TASP1: variants seen among roughly 807,000 people sequenced by gnomAD.
TASP1 encodes the protein taspase 1.
In TASP1, 16 loss-of-function variants were observed where a neutral mutation model predicts 56.6. The observed-to-expected ratio is 0.28, with a 90% CI of 0.19 to 0.43. The LOEUF (loss-of-function observed/expected upper bound fraction) is 0.43, where lower values mean the gene tolerates loss of function less well. Ranked by LOEUF, TASP1 falls within the 20% of genes least tolerant of loss-of-function variation. TASP1 has a pLI of 1.00. For synonymous variants in TASP1, 179 were observed against 184.2 expected, an observed-to-expected ratio of 0.97 and a Z score of 0.23; for missense variants, 393 against 511.6, an observed-to-expected ratio of 0.77 and a Z score of 2.24.
At chr20:13,134,059 A>G in the TASP1 span, among the ~76,000 whole-genome samples, 3 of 152,216 alleles carry the variant, frequency 2.0e-5, no homozygotes, top group African/African-American at 7.2e-5. Context: ...TCTGCCATAC[A>G]GGGTCATTCT....
At chr20:13,145,465 AC>A in the TASP1 span, among the ~76,000 whole-genome samples, 1 of 152,190 alleles carries the variant, frequency 6.6e-6, no homozygotes, top group African/African-American at 2.4e-5. Flanking sequence ...AAATTACAAA[AC>A]ACTGTTCAAA....
intron 6 of TASP1, among the ~76,000 whole-genome samples, chr20:13,571,687 T>C (rs1025106192): frequency 1.3e-5 from 2 of 152,188 alleles, no homozygotes; most frequent in Non-Finnish European, 2.9e-5. Flanking sequence ...GTAATGGCAC[T>C]CCTCTTTCAA....
chr20:13,330,627 G>A, the TASP1 span, among the ~76,000 whole-genome samples: 1 of 152,126 alleles, frequency 6.6e-6, no homozygotes, highest in Non-Finnish European at 1.5e-5. Flanking sequence ...ATATGTCAGT[G>A]AAACTACCTG....
chr20:13,123,487 G>A, the TASP1 span, among the ~76,000 whole-genome samples: 1 of 152,114 alleles, frequency 6.6e-6, no homozygotes. Flanking sequence ...GCCAACTAAG[G>A]CACAGAGAGA....
intron 13 of TASP1, among the ~76,000 whole-genome samples, chr20:13,407,838 A>G (rs1033148318): frequency 6.6e-6 from 1 of 152,148 alleles, no homozygotes; most frequent in Non-Finnish European, 1.5e-5. Context: ...ACTGATGTTG[A>G]GCATCTTTTC....
chr20:13,246,489 G>A, the TASP1 span, among the ~76,000 whole-genome samples: 2 of 152,270 alleles, frequency 1.3e-5, no homozygotes, highest in African/African-American at 2.4e-5. Flanking sequence ...TTATACCCAT[G>A]GCATGCAGTG....
chr20:13,434,945 TC>T, intron 12 of TASP1, 98 bp downstream of exon 12: 1 of 760,660 alleles, frequency 1.3e-6, no homozygotes, highest in Admixed American at 2.8e-5. Flanking sequence ...ATGCTGACCC[TC>T]CCGCAGTTTA....
intron 8 of TASP1, among the ~76,000 whole-genome samples, chr20:13,557,812 C>A (rs1017179889): frequency 2.6e-5 from 4 of 151,764 alleles, no homozygotes; most frequent in African/African-American, 9.7e-5. Flanking sequence ...CTCTAGTAAT[C>A]CACCCACCTC....
chr20:13,445,305 A>C (rs1375628501), intron 11 of TASP1, among the ~76,000 whole-genome samples: 1 of 152,082 alleles, frequency 6.6e-6, no homozygotes, highest in Non-Finnish European at 1.5e-5. Context: ...AAATGAGACA[A>C]GAGATTTCTT....
At chr20:13,192,338 A>G in the TASP1 span, among the ~76,000 whole-genome samples, 31 of 152,294 alleles carry the variant, frequency 2.0e-4, no homozygotes, top group South Asian at 6.4e-3. Context: ...GGAGTTCAAG[A>G]CCAGCTGGGG....
At chr20:13,456,969 C>T (rs2043864335) in intron 11 of TASP1, among the ~76,000 whole-genome samples, 2 of 151,920 alleles carry the variant, frequency 1.3e-5, no homozygotes, top group Non-Finnish European at 2.9e-5. Flanking sequence ...ATGTCCTTTG[C>T]AGGGACATGG....
chr20:13,402,344 T>A (rs2041769089), intron 13 of TASP1, among the ~76,000 whole-genome samples: 1 of 152,232 alleles, frequency 6.6e-6, no homozygotes, highest in African/African-American at 2.4e-5. Flanking sequence ...TCTTCTGCAG[T>A]CTTTTCCTGT....
At chr20:13,354,219 A>G in the TASP1 span, among the ~76,000 whole-genome samples, 1 of 152,216 alleles carries the variant, frequency 6.6e-6, no homozygotes, top group African/African-American at 2.4e-5. Context: ...GAAATAATCT[A>G]AAAGATTCAA....
the TASP1 span, among the ~76,000 whole-genome samples, chr20:13,224,989 G>T: frequency 5.9e-5 from 9 of 151,300 alleles, no homozygotes; most frequent in South Asian, 1.9e-3. Context: ...GGGACTACAG[G>T]CGCCTGCCAC....
At chr20:13,234,807 G>A in the TASP1 span, among the ~76,000 whole-genome samples, 1 of 152,096 alleles carries the variant, frequency 6.6e-6, no homozygotes, top group Admixed American at 6.6e-5. Context: ...AGGTCATTTG[G>A]TTTTTTCTTG....
chr20:13,467,703 T>TA (rs973506782), intron 11 of TASP1, among the ~76,000 whole-genome samples: 4 of 152,178 alleles, frequency 2.6e-5, no homozygotes, highest in African/African-American at 4.8e-5. Flanking sequence ...CCTGACCTTT[T>TA]AAAAAAAGGT....
At chr20:13,466,660 G>C (rs1003736284) in intron 11 of TASP1, among the ~76,000 whole-genome samples, 2 of 152,172 alleles carry the variant, frequency 1.3e-5, no homozygotes, top group Non-Finnish European at 2.9e-5. Flanking sequence ...AGAACTGCTT[G>C]AACTCTAGAG....
At chr20:13,594,490 C>T (rs962372981) in intron 4 of TASP1, among the ~76,000 whole-genome samples, 2 of 152,108 alleles carry the variant, frequency 1.3e-5, no homozygotes, top group Non-Finnish European at 2.9e-5. Flanking sequence ...AAAGGTTAGA[C>T]AAATGGCTAA....
the TASP1 span, among the ~76,000 whole-genome samples, chr20:13,345,546 A>G: frequency 6.6e-6 from 1 of 152,204 alleles, no homozygotes; most frequent in African/African-American, 2.4e-5. Flanking sequence ...GGTGTATCCA[A>G]TGCCATGGCT....
Sources: gnomAD v4.1 joint callset for allele counts (sites outside exome capture counted in the v4.1 genomes callset) on GRCh38, gnomAD v4.1.1 for gene constraint, MANE v1.5 for transcripts, NCBI Gene and HGNC (gene_info 2026-07-23, HGNC 2026-07-21) for gene names.